The following RABGEF1 variants were observed in gnomAD, a reference collection of about 807,000 sequenced individuals.
RABGEF1 encodes rab5 GDP/GTP exchange factor.
RABGEF1 carries 26 observed loss-of-function variants against 57.3 expected under a neutral mutation model. That is an observed-to-expected ratio of 0.45 (90% CI 0.33 to 0.63). The LOEUF (loss-of-function observed/expected upper bound fraction) is 0.63. Ranked by LOEUF, RABGEF1 falls within the 20% of genes least tolerant of loss-of-function variation. RABGEF1 has a pLI of 0.02. For missense variants in RABGEF1, 464 were observed against 607.6 expected (o/e 0.76, Z 2.48); for synonymous variants, 185 against 210.7 (o/e 0.88, Z 1.06).
intron 1 of RABGEF1, among the ~76,000 whole-genome samples, chr7:66,693,343 G>C (rs1406071044): frequency 6.6e-6 from 1 of 152,118 alleles, no homozygotes; most frequent in Non-Finnish European, 1.5e-5. Context: ...TTGCAAACAC[G>C]TTGAATACTG....
At position 66,781,193 on chromosome 7, in the gene RABGEF1, G is replaced by C. The variant is rs143611516; in HGVS notation, c.347-2482G>C. On this transcript the variant is annotated intron_variant, in intron 3 of 8. Coordinates refer to ENST00000284957, the MANE Select transcript of RABGEF1 (RefSeq NM_014504.3). ...TAGCTATACCTCTTTGTTCTGTTTTGTTTTTGTTACTGGTTGTTCTGGGGT... is the reference window on the plus strand; with the variant it reads ...TAGCTATACCTCTTTGTTCTGTTTTCTTTTTGTTACTGGTTGTTCTGGGGT... Among the ~76,000 whole-genome samples the C allele has an allele frequency of 3.3e-3, 496 of 150,876 alleles. 2 individuals are homozygous for C. The highest frequency in any genetic ancestry group is 6.1e-3 in the Non-Finnish European group (410 of 67,682).
chr7:66,715,174 C>G (rs1432068362), intron 2 of RABGEF1, among the ~76,000 whole-genome samples: 1 of 152,024 alleles, frequency 6.6e-6, no homozygotes, highest in Non-Finnish European at 1.5e-5. Context: ...ATCACCTAGG[C>G]TGGAGTACCA....
At chr7:66,771,282 G>A (rs1297949985) in intron 1 of RABGEF1, among the ~76,000 whole-genome samples, 1 of 152,062 alleles carries the variant, frequency 6.6e-6, no homozygotes, top group Non-Finnish European at 1.5e-5. Context: ...GGGACTACAG[G>A]CGCCCGCCAC....
At chr7:66,754,612 G>T (rs895231013) in intron 1 of RABGEF1, among the ~76,000 whole-genome samples, 1 of 151,990 alleles carries the variant, frequency 6.6e-6, no homozygotes, top group African/African-American at 2.4e-5. Context: ...ACATTGGCCA[G>T]TCCAGCTCAG....
At chr7:66,731,931 C>T (rs1444432057) in intron 2 of RABGEF1, among the ~76,000 whole-genome samples, 1 of 152,162 alleles carries the variant, frequency 6.6e-6, no homozygotes, top group Non-Finnish European at 1.5e-5. Flanking sequence ...GCACAGAAGC[C>T]CCCTGTCTCC....
At chr7:66,736,153 C>T (rs1354105726), upstream of RABGEF1, among the ~76,000 whole-genome samples, 2 of 152,286 alleles carry the variant, frequency 1.3e-5, no homozygotes, top group East Asian at 3.9e-4. Context: ...TTCACTCCTG[C>T]CTTAGATAGA....
intron 1 of RABGEF1, among the ~76,000 whole-genome samples, chr7:66,762,722 C>G (rs988967690): frequency 6.6e-6 from 1 of 152,118 alleles, no homozygotes; most frequent in African/African-American, 2.4e-5. Flanking sequence ...CCTGCCACCC[C>G]CGTCCCCCAA....
At chr7:66,746,942 C>T (rs1053027589) in intron 1 of RABGEF1, among the ~76,000 whole-genome samples, 5 of 88,332 alleles carry the variant, frequency 5.7e-5, no homozygotes, top group East Asian at 4.1e-4. Context: ...AACAGGCACG[C>T]GCCACCATGC....
At chr7:66,779,857 C>T (rs1002883762) in intron 3 of RABGEF1, among the ~76,000 whole-genome samples, 3 of 152,044 alleles carry the variant, frequency 2.0e-5, no homozygotes, top group Admixed American at 6.6e-5. Context: ...AAACATAAGT[C>T]GCCTCCTCCC....
At position 66,806,247 on chromosome 7, in the gene RABGEF1, C is replaced by T. The variant is rs1584297727; in HGVS notation, c.1077+851C>T. Among the ~76,000 whole-genome samples, 2 of 152,084 alleles carry T rather than the reference C, an allele frequency of 1.3e-5. 1 individual carries two copies. Among genetic ancestry groups the T allele is most frequent in the South Asian group, 4.1e-4 (2 of 4,828 alleles). On this transcript the variant is annotated intron_variant, in intron 8 of 8. Coordinates refer to ENST00000284957, the MANE Select transcript of RABGEF1 (RefSeq NM_014504.3). Reference sequence around the variant, plus strand: ...AATTGCCAAAAAAGTCTCACAGGTACGTGAATCTCTCAGTCTCTAAAAATA... The same window carrying T: ...AATTGCCAAAAAAGTCTCACAGGTATGTGAATCTCTCAGTCTCTAAAAATA...
chr7:66,796,882 G>A lies in RABGEF1; in HGVS notation c.596-492G>A, dbSNP rs954707341. 8 of 442,740 alleles carry A rather than the reference G, an allele frequency of 1.8e-5. No individual in the cohort carries two copies. In the East Asian group the frequency reaches 2.2e-4, roughly 12 times the overall value. 27.4% of individuals were successfully genotyped at this position (442,740 alleles called of 1,614,324 possible). A position where few individuals can be genotyped will look rare whatever the true frequency, so the allele number is the denominator to read the frequency against. On this transcript the variant is annotated intron_variant, in intron 5 of 8. Transcript: ENST00000284957. ...CTGGGAATACAGGAGTAGAGCCACC[G>A]CACCCAGCTGGTAAGTTTTTTTTTT...
At chr7:66,655,982 G>A in the RABGEF1 span, among the ~76,000 whole-genome samples, 15,776 of 152,244 alleles carry the variant, frequency 0.1, 896 homozygotes, top group Non-Finnish European at 0.11. Context: ...TTTAGGCCGT[G>A]CTGTCGGGCG....
chr7:66,800,163 T>G (rs544333122), intron 7 of RABGEF1, among the ~76,000 whole-genome samples: 3 of 152,198 alleles, frequency 2.0e-5, no homozygotes, highest in Non-Finnish European at 2.9e-5. Flanking sequence ...TTAACTGATA[T>G]TAGTAGTGTT....
chr7:66,782,926 T>A (rs1454257752), intron 3 of RABGEF1, among the ~76,000 whole-genome samples: 2 of 152,230 alleles, frequency 1.3e-5, no homozygotes, highest in Non-Finnish European at 2.9e-5. Flanking sequence ...AAAGACCAAG[T>A]GGTAGTTCAT....
chr7:66,729,958 C>A (rs1353109918), intron 2 of RABGEF1, among the ~76,000 whole-genome samples: 2 of 152,224 alleles, frequency 1.3e-5, no homozygotes, highest in Non-Finnish European at 2.9e-5. Flanking sequence ...CTCATGGAGG[C>A]CCAGGAGCCT....
intron 2 of RABGEF1, among the ~76,000 whole-genome samples, chr7:66,733,647 A>G (rs535399611): frequency 4.9e-4 from 75 of 151,990 alleles, no homozygotes; most frequent in African/African-American, 1.7e-3. Flanking sequence ...GCAGTGAGCC[A>G]AGATCGTGCC....
chr7:66,659,970 AG>A, the RABGEF1 span, among the ~76,000 whole-genome samples: 3 of 152,108 alleles, frequency 2.0e-5, no homozygotes, highest in South Asian at 2.1e-4. Flanking sequence ...GTTTTTTTAC[AG>A]GTCAGCAAAA....
the RABGEF1 span, among the ~76,000 whole-genome samples, chr7:66,675,409 GA>G: frequency 6.6e-6 from 1 of 151,324 alleles, no homozygotes; most frequent in Non-Finnish European, 1.5e-5. Context: ...CAGCCTGGGG[GA>G]CAGGAGTGAG....
the RABGEF1 span, among the ~76,000 whole-genome samples, chr7:66,668,586 C>CG: frequency 6.6e-6 from 1 of 152,028 alleles, no homozygotes. Context: ...TATTGTGGGC[C>CG]GGGGGTGAAA....
Sources: gnomAD v4.1 joint callset for allele counts (sites outside exome capture counted in the v4.1 genomes callset) on GRCh38, gnomAD v4.1.1 for gene constraint, MANE v1.5 for transcripts, NCBI Gene and HGNC (gene_info 2026-07-23, HGNC 2026-07-21) for gene names.